GRM4: variants seen among roughly 807,000 people sequenced by gnomAD.
GRM4 encodes the protein metabotropic glutamate receptor 4.
In GRM4, 28 loss-of-function variants were observed where a neutral mutation model predicts 81.7. The observed-to-expected ratio is 0.34, with a 90% CI of 0.25 to 0.47. The LOEUF (loss-of-function observed/expected upper bound fraction) is 0.47, where lower values mean the gene tolerates loss of function less well. Ranked by LOEUF, GRM4 falls within the 20% of genes least tolerant of loss-of-function variation. GRM4 has a pLI of 1.00. For missense variants in GRM4, 948 were observed against 1,290.0 expected (o/e 0.73, Z 4.06); for synonymous variants, 488 against 528.8 (o/e 0.92, Z 1.06).
In GRM4 at chr6:34,115,238, G is replaced by A. The variant is rs991702489; in HGVS notation, c.519+17740C>T. Among the ~76,000 whole-genome samples, 5 of 150,888 alleles carry A rather than the reference G, an allele frequency of 3.3e-5. No homozygotes were observed. The East Asian group carries it at 9.7e-4, about 29-fold the overall frequency. On this transcript the variant is annotated intron_variant, in intron 2 of 10. Coordinates refer to ENST00000538487, the MANE Select transcript of GRM4 (RefSeq NM_000841.4). This position sits in a 1 kb window ranked among gnomAD's most constrained non-coding sequence, Gnocchi z 4.1. ...CTCCACAGCTTGCATGTGTGCGTGC[G>A]TGCGTGTATGCGTGTGTGTGTGTGT...
chr6:34,027,929 G>A (rs1764212591), intron 10 of GRM4, among the ~76,000 whole-genome samples, 191 bp downstream of exon 10: 1 of 152,192 alleles, frequency 6.6e-6, no homozygotes, highest in Admixed American at 6.5e-5. Context: ...GCTCTAATGT[G>A]GTGCCTCAGG....
At chr6:34,031,651 A>G (rs1378538613) in intron 9 of GRM4, among the ~76,000 whole-genome samples, 1 of 152,196 alleles carries the variant, frequency 6.6e-6, no homozygotes, top group Non-Finnish European at 1.5e-5. Flanking sequence ...AGCATGACTG[A>G]GCAGTAACCC....
chr6:34,133,861 T>G lies in GRM4; in HGVS notation c.-363-2A>C. On this transcript the variant is annotated splice_acceptor_variant, in intron 1 of 10. Transcript: ENST00000538487. LOFTEE classifies it low-confidence loss of function (5UTR_SPLICE). The surrounding 1 kb of genome is among the most constrained non-coding windows in gnomAD (Gnocchi z 6.5). ...CTCCAATCCTCTCCTCCTACCAACC[T>G]TAGAAGGGGAAGAGAGAGAGAGAAT... 1 of 1,052,310 alleles carries G rather than the reference T, an allele frequency of 9.5e-7. No homozygotes were observed. Among genetic ancestry groups the G allele is most frequent in the Non-Finnish European group, 1.1e-6 (1 of 873,226 alleles). 65.2% of individuals were successfully genotyped at this position (1,052,310 alleles called of 1,614,324 possible). A position where few individuals can be genotyped will look rare whatever the true frequency, so the allele number is the denominator to read the frequency against.
At chr6:34,072,960 ATGCAT>A (rs1767044314) in intron 3 of GRM4, among the ~76,000 whole-genome samples, 1 of 106,322 alleles carries the variant, frequency 9.4e-6, no homozygotes. Flanking sequence ...CACCACACAC[ATGCAT>A]CACCACACAG....
chr6:34,028,003 T>C, intron 10 of GRM4, 117 bp downstream of exon 10: 1 of 1,187,702 alleles, frequency 8.4e-7, no homozygotes, highest in Non-Finnish European at 1.2e-6. Flanking sequence ...CCCCGCCGCC[T>C]CCCCAGGATG....
At chr6:34,062,905 C>G (rs1041772123) in intron 3 of GRM4, 1 of 152,128 alleles carries the variant, frequency 6.6e-6, no homozygotes, top group Non-Finnish European at 1.5e-5. Flanking sequence ...TTGTGTCAGC[C>G]ACTGCCTTTG....
At chr6:34,056,995 C>CGCCTGGGA (rs1295192961) in intron 5 of GRM4, among the ~76,000 whole-genome samples, 3 of 152,156 alleles carry the variant, frequency 2.0e-5, no homozygotes, top group Non-Finnish European at 4.4e-5. Context: ...GAGAAGGAGC[C>CGCCTGGGA]GCCTGGGAGT....
chr6:34,032,709 TA>T (rs34518593), intron 9 of GRM4, among the ~76,000 whole-genome samples: 1 of 152,046 alleles, frequency 6.6e-6, no homozygotes, highest in Non-Finnish European at 1.5e-5. Flanking sequence ...GGGAGCCTCC[TA>T]AAAAGGCAGG....
At position 34,133,200 on chromosome 6, in the gene GRM4, G is replaced by A; in HGVS notation, c.297C>T (p.Ile99=). Residue 99 remains isoleucine (I), a synonymous_variant, in exon 2 of 11, where the codon ATC becomes ATT. Transcript: ENST00000538487. This position sits in a 1 kb window ranked among gnomAD's most constrained non-coding sequence, Gnocchi z 6.5. ...INNDPDLLPN[I]TLGARILDTC... ...TGTCCAGAATGCGGGCGCCCAGCGT[G>A]ATGTTAGGCAGCAGGTCCGGGTCGT... The A allele has an allele frequency of 6.2e-7, 1 of 1,613,950 alleles. No individual in the cohort carries two copies. The highest frequency in any genetic ancestry group is 8.5e-7 in the Non-Finnish European group (1 of 1,179,810).
At chr6:34,057,288 C>CT (rs35451785) in intron 5 of GRM4, among the ~76,000 whole-genome samples, 111,415 of 152,048 alleles carry the variant, frequency 0.73, 41,610 homozygotes, top group African/African-American at 0.89. Context: ...CCAGACGCCC[C>CT]CCTGCCATAC....
chr6:34,020,835 G>A lies in GRM4; in HGVS notation c.*1986C>T, dbSNP rs1187929690. The A allele has an allele frequency of 6.6e-6, 1 of 152,298 alleles. No homozygotes were observed. Among genetic ancestry groups the A allele is most frequent in the African/African-American group, 2.4e-5 (1 of 41,438 alleles). The allele number at this position is 152,298 out of a possible 1,614,324, so 9.4% of individuals were successfully genotyped here. ...CTGATGGAGAAGACATACCTGGCAT[G>A]ATTCAATGTCCCAGCCTCAGTTATA... On this transcript the variant is annotated 3_prime_UTR_variant, in exon 11 of 11. Transcript: ENST00000538487.
At position 34,151,705 on chromosome 6, in the gene GRM4, G is replaced by T. The variant is rs915344498; in HGVS notation, c.312+3374C>A. ...CCCAACCTGGAGCGCTGCCCACCCC[G>T]CCCCCACCCCCACCCCACCCATCTT... On this transcript the variant is annotated intron_variant, in intron 1 of 8. Transcript: ENST00000374177. Among the ~76,000 whole-genome samples, 4 of 46,592 alleles carry T rather than the reference G, an allele frequency of 8.6e-5. No individual in the cohort carries two copies. In the Admixed American group the frequency reaches 9.0e-4, roughly 11 times the overall value. 30.6% of individuals were successfully genotyped at this position (46,592 alleles called of 152,430 possible). A position where few individuals can be genotyped will look rare whatever the true frequency, so the allele number is the denominator to read the frequency against.
intron 1 of GRM4, among the ~76,000 whole-genome samples, chr6:34,143,825 C>T (rs1770804651): frequency 6.6e-6 from 1 of 152,292 alleles, no homozygotes; most frequent in East Asian, 1.9e-4. Context: ...ACCCTGGGAG[C>T]ACTGGTCTCC....
chr6:34,125,826 T>C (rs1025929827), intron 2 of GRM4, among the ~76,000 whole-genome samples: 1 of 152,182 alleles, frequency 6.6e-6, no homozygotes, highest in African/African-American at 2.4e-5. Context: ...AGAGAGACTA[T>C]CTCGGCAGGG....
Position 34,070,778 on chromosome 6 carries a change from C to T in GRM4, c.737-8750G>A, listed in dbSNP as rs546677457. On this transcript the variant is annotated intron_variant, in intron 3 of 10. Coordinates refer to ENST00000538487, the MANE Select transcript of GRM4 (RefSeq NM_000841.4). This position sits in a 1 kb window ranked among gnomAD's most constrained non-coding sequence, Gnocchi z 4.6. ...GCTCTCAGCACCCCCACCACACCCC[C>T]GCCACACCCCCAGCCACACACACAC... Among the ~76,000 whole-genome samples the T allele has an allele frequency of 2.8e-5, 4 of 141,862 alleles. No homozygotes were observed. The highest frequency in any genetic ancestry group is 3.1e-5 in the Non-Finnish European group (2 of 65,554). The allele number at this position is 141,862 out of a possible 152,430, so 93.1% of individuals were successfully genotyped here. A position where few individuals can be genotyped will look rare whatever the true frequency, so the allele number is the denominator to read the frequency against.
chr6:34,138,612 G>A (rs992057068), intron 1 of GRM4, among the ~76,000 whole-genome samples: 1 of 152,234 alleles, frequency 6.6e-6, no homozygotes, highest in Non-Finnish European at 1.5e-5. Context: ...GGGCAGAGGT[G>A]TGGTTTGTAG....
In GRM4 at chr6:34,040,414, C is replaced by A. The variant is rs1764947433; in HGVS notation, c.1370-100G>T. ...CTCTCTGACACACCCATTCATGGAA[C>A]ATTCTGGGAGATTTCACCTCTTGGA... On this transcript the variant is annotated intron_variant, in intron 7 of 10. Transcript: ENST00000538487. 9 of 1,456,114 alleles carry A rather than the reference C, an allele frequency of 6.2e-6. 1 individual carries two copies. Among genetic ancestry groups the A allele is most frequent in the Middle Eastern group, 1.8e-4 (1 of 5,416 alleles). The allele number at this position is 1,456,114 out of a possible 1,614,324, so 90.2% of individuals were successfully genotyped here. A position where few individuals can be genotyped will look rare whatever the true frequency, so the allele number is the denominator to read the frequency against.
At chr6:34,120,883 T>C (rs1769784475) in intron 2 of GRM4, among the ~76,000 whole-genome samples, 1 of 152,230 alleles carries the variant, frequency 6.6e-6, no homozygotes, top group South Asian at 2.1e-4. Flanking sequence ...CATGAGCCAC[T>C]GCGCCCAGCC....
chr6:34,025,810 G>A (rs1397705724), intron 10 of GRM4, among the ~76,000 whole-genome samples: 5 of 152,192 alleles, frequency 3.3e-5, no homozygotes. Flanking sequence ...CTGTAAGATG[G>A]GGTGATAATA....
Sources: allele counts gnomAD v4.1 joint callset (sites outside exome capture counted in the v4.1 genomes callset), GRCh38; gene constraint gnomAD v4.1.1; non-coding constraint Gnocchi (gnomAD v3.1); transcripts MANE v1.5; gene names NCBI Gene and HGNC (gene_info 2026-07-23, HGNC 2026-07-21).